The following SHROOM4 variants were observed in gnomAD, a reference collection of about 807,000 sequenced individuals.
SHROOM4 encodes shroom family member 4.
A neutral mutation model predicts 80.3 loss-of-function variants in SHROOM4; 17 were observed. The ratio of observed to expected loss-of-function variants is 0.21; its 90% confidence interval spans 0.14 to 0.32. SHROOM4 has a LOEUF of 0.32. SHROOM4 is among the 10% of genes least tolerant of loss of function. The pLI, the probability that SHROOM4 is intolerant of heterozygous loss-of-function variation, is 1.00. For missense variants in SHROOM4, 993 were observed against 1,140.3 expected (o/e 0.87, Z 1.86); for synonymous variants, 400 against 437.5 (o/e 0.91, Z 1.07).
chrX:50,731,365 C>T lies in SHROOM4; in HGVS notation c.118-35428G>A, dbSNP rs182383775. On this transcript the variant is annotated intron_variant, in intron 1 of 8. Coordinates refer to ENST00000376020, the MANE Select transcript of SHROOM4 (RefSeq NM_020717.5). ...CTGCTGCAGCTAAGAACACAGAACT[C>T]CTTCTCCCCTCAGCTCCCAGCCAGC... is the stretch of plus-strand genomic sequence containing the variant. Among the ~76,000 whole-genome samples the T allele has an allele frequency of 6.3e-5, 7 of 111,737 alleles. No individual in the cohort carries two copies. In the East Asian group the frequency reaches 2.0e-3, roughly 32 times the overall value.
At chrX:50,701,910 T>TA (rs1420459146) in intron 1 of SHROOM4, among the ~76,000 whole-genome samples, 4 of 109,578 alleles carry the variant, frequency 3.7e-5, no homozygotes, top group African/African-American at 1.0e-4. Flanking sequence ...TTCATCAAAA[T>TA]AAAAAAAATC....
chrX:50,659,599 T>C (rs1344658568), intron 2 of SHROOM4, among the ~76,000 whole-genome samples: 3 of 112,114 alleles, frequency 2.7e-5, no homozygotes, highest in Non-Finnish European at 3.8e-5. Context: ...ATTCACATAG[T>C]ACAAAGGCAT....
Position 50,811,054 on chromosome X carries a change from G to A in SHROOM4, c.117+2848C>T, listed in dbSNP as rs964492187. Among the ~76,000 whole-genome samples the A allele has an allele frequency of 2.7e-5, 3 of 112,140 alleles. No homozygotes were observed. In the South Asian group the frequency reaches 1.1e-3, roughly 42 times the overall value. ...TGGCCAGGAGTGGTGGCTCACGCCT[G>A]TAATCCCAGCACTTTGGGAGGCTGA... On this transcript the variant is annotated intron_variant, in intron 1 of 8. Coordinates refer to ENST00000376020, the MANE Select transcript of SHROOM4 (RefSeq NM_020717.5).
chrX:50,728,178 T>C (rs1269296531), intron 1 of SHROOM4, among the ~76,000 whole-genome samples: 1 of 110,109 alleles, frequency 9.1e-6, no homozygotes, highest in East Asian at 2.9e-4. Context: ...GCTAACACGG[T>C]GAAACCCCGT....
At chrX:50,801,583 T>A (rs1936123885) in intron 1 of SHROOM4, among the ~76,000 whole-genome samples, 1 of 111,757 alleles carries the variant, frequency 8.9e-6, no homozygotes, top group African/African-American at 3.3e-5. Context: ...GCAGATACAG[T>A]ATGTGCAAGG....
Position 50,754,080 on chromosome X carries a change from A to T in SHROOM4, c.118-58143T>A, listed in dbSNP as rs782387193. 1.6e-3 allele frequency among the ~76,000 whole-genome samples: 183 copies of T among 112,423 alleles called. 1 individual carries two copies. The highest frequency in any genetic ancestry group is 4.6e-3 in the Middle Eastern group (1 of 218). ...CAATTGACAGGTATTCTGCCCAAAG[A>T]TAGTGAAAAGCGCTTCCCAAAGAAA... On this transcript the variant is annotated intron_variant, in intron 1 of 8. Transcript: ENST00000376020.
chrX:50,633,197 G>A lies in SHROOM4; in HGVS notation c.2876C>T (p.Pro959Leu). The A allele has an allele frequency of 8.3e-7, 1 of 1,210,935 alleles. No homozygotes were observed. Among genetic ancestry groups the A allele is most frequent in the Non-Finnish European group, 1.1e-6 (1 of 895,156 alleles). ...CCTCACCTGCACTGTCAGCTTCCTGGGTTTCCAAGTGTTGCCAGGTGCCAA... is the reference window on the plus strand; with the variant it reads ...CCTCACCTGCACTGTCAGCTTCCTGAGTTTCCAAGTGTTGCCAGGTGCCAA... ...SSLAPGNTWK[P>L]RKLTVQEFPG... The change falls in exon 4 of 9, where the codon CCC (proline) becomes CTC (leucine). Residue 959 changes from proline (P) to leucine (L), a missense_variant. Pro to Leu is a moderately conservative substitution (Grantham distance 98). Coordinates refer to ENST00000376020, the MANE Select transcript of SHROOM4 (RefSeq NM_020717.5).
intron 1 of SHROOM4, among the ~76,000 whole-genome samples, chrX:50,750,798 C>T (rs782140019): frequency 9.8e-5 from 11 of 111,910 alleles, no homozygotes; most frequent in Non-Finnish European, 1.3e-4. Flanking sequence ...CTCAAGCAAA[C>T]GATCAGAGTG....
At chrX:50,723,858 C>T (rs781986874) in intron 1 of SHROOM4, among the ~76,000 whole-genome samples, 7 of 111,396 alleles carry the variant, frequency 6.3e-5, no homozygotes, top group Non-Finnish European at 1.1e-4. Flanking sequence ...AATTGGACAA[C>T]ATTCTTTTAT....
At chrX:50,796,779 T>C (rs1557272155) in intron 1 of SHROOM4, among the ~76,000 whole-genome samples, 1 of 110,167 alleles carries the variant, frequency 9.1e-6, no homozygotes. Flanking sequence ...AGGGCTATTG[T>C]AAAGGAAGCA....
intron 5 of SHROOM4, among the ~76,000 whole-genome samples, chrX:50,612,471 C>T (rs1443080888): frequency 9.0e-6 from 1 of 111,360 alleles, no homozygotes; most frequent in African/African-American, 3.3e-5. Flanking sequence ...AAAAATCAAA[C>T]CAATGTTATT....
At position 50,596,581 on chromosome X, in the gene SHROOM4, G is replaced by A. The variant is rs781927533; in HGVS notation, c.*114C>T. On this transcript the variant is annotated 3_prime_UTR_variant, in exon 9 of 9. Coordinates refer to ENST00000376020, the MANE Select transcript of SHROOM4 (RefSeq NM_020717.5). ...GGTAGTGAGAGACATCCAGGGTAGA[G>A]GGCTGGAACAAACTGCTAATTGCTA... 4 of 1,006,648 alleles carry A rather than the reference G, an allele frequency of 4.0e-6. No individual in the cohort carries two copies. In the African/African-American group the frequency reaches 7.5e-5, roughly 19 times the overall value. The allele number at this position is 1,006,648 out of a possible 1,213,427, so 83.0% of individuals were successfully genotyped here.
chrX:50,761,781 G>A (rs1235234531), intron 1 of SHROOM4, among the ~76,000 whole-genome samples: 9 of 110,939 alleles, frequency 8.1e-5, no homozygotes. Flanking sequence ...GGCTAGTCTC[G>A]AACTCCTGAC....
At chrX:50,808,905 T>G (rs1936279497) in intron 1 of SHROOM4, among the ~76,000 whole-genome samples, 1 of 110,972 alleles carries the variant, frequency 9.0e-6, no homozygotes, top group Non-Finnish European at 1.9e-5. Context: ...AGGTGTATTA[T>G]GAAAACCCAG....
intron 1 of SHROOM4, among the ~76,000 whole-genome samples, chrX:50,718,749 A>G (rs1030544251): frequency 1.6e-4 from 18 of 111,626 alleles, no homozygotes; most frequent in Admixed American, 1.3e-3. Context: ...AGGAAGATGG[A>G]TGATGTCCTG....
intron 2 of SHROOM4, among the ~76,000 whole-genome samples, chrX:50,691,829 T>TAAAAA (rs1933228684): frequency 8.9e-6 from 1 of 111,750 alleles, no homozygotes; most frequent in Non-Finnish European, 1.9e-5. Context: ...TGTTAAGAGC[T>TAAAAA]CTTTCATAAA....
At chrX:50,625,927 C>T (rs1557252970) in intron 5 of SHROOM4, among the ~76,000 whole-genome samples, 1 of 112,359 alleles carries the variant, frequency 8.9e-6, no homozygotes, top group African/African-American at 3.2e-5. Context: ...TGTTCTTCTT[C>T]CTCCTCATTA....
At chrX:50,721,088 T>C (rs782444005) in intron 1 of SHROOM4, among the ~76,000 whole-genome samples, 2 of 111,343 alleles carry the variant, frequency 1.8e-5, no homozygotes, top group East Asian at 2.9e-4. Flanking sequence ...ACTGACTGCA[T>C]GCAGGGACAC....
intron 1 of SHROOM4, among the ~76,000 whole-genome samples, chrX:50,782,107 G>C (rs1935639679): frequency 9.0e-6 from 1 of 110,585 alleles, no homozygotes; most frequent in Non-Finnish European, 1.9e-5. Flanking sequence ...TACTTGGAAG[G>C]CTAAGTTGGG....
Sources: allele counts gnomAD v4.1 joint callset (sites outside exome capture counted in the v4.1 genomes callset), GRCh38; gene constraint gnomAD v4.1.1; transcripts MANE v1.5; gene names NCBI Gene and HGNC (gene_info 2026-07-23, HGNC 2026-07-21).